The following MEGF11 variants were observed in gnomAD, a reference collection of about 807,000 sequenced individuals.
MEGF11 encodes multiple EGF like domains 11, also known as multiple epidermal growth factor-like domains protein 11.
Under a neutral mutation model 146.6 loss-of-function variants are expected in MEGF11, and 126 were observed. The ratio of observed to expected loss-of-function variants is 0.86; its 90% CI spans 0.74 to 1.00. MEGF11 has a LOEUF of 1.00. Ranked by LOEUF, MEGF11 falls within the 50% of genes least tolerant of loss-of-function variation. The pLI, the probability that MEGF11 is intolerant of heterozygous loss-of-function variation, is 0.00. For synonymous variants in MEGF11, 532 were observed against 583.4 expected (o/e 0.91, Z 1.27); for missense variants, 1,509 against 1,521.2 (o/e 0.99, Z 0.13).
At chr15:65,929,677 G>A in intron 12 of MEGF11, 43 bp downstream of exon 12, 1 of 1,534,852 alleles carries the variant, frequency 6.5e-7, no homozygotes, top group Non-Finnish European at 8.8e-7. Context: ...AGGGCGTGAG[G>A]GGATGCGGAG....
chr15:65,923,822 A>G, intron 13 of MEGF11, among the ~76,000 whole-genome samples: 1 of 152,198 alleles, frequency 6.6e-6, no homozygotes. Flanking sequence ...TAGGTTCCCT[A>G]CAGCCTGAAG....
chr15:66,080,785 G>A (rs1037451180), intron 5 of MEGF11, among the ~76,000 whole-genome samples: 3 of 152,174 alleles, frequency 2.0e-5, no homozygotes, highest in Non-Finnish European at 4.4e-5. Flanking sequence ...TTCTGTCCCC[G>A]TCACGGTGAC....
intron 1 of MEGF11, among the ~76,000 whole-genome samples, chr15:66,245,081 T>G (rs1170185021): frequency 6.6e-6 from 1 of 152,088 alleles, no homozygotes; most frequent in African/African-American, 2.4e-5. Context: ...TGGGCTCCAG[T>G]AGTGAGGGGA....
intron 1 of MEGF11, among the ~76,000 whole-genome samples, chr15:66,184,228 T>C (rs566140651): frequency 5.3e-4 from 81 of 152,252 alleles, no homozygotes; most frequent in African/African-American, 1.9e-3. Context: ...TATGCATCAA[T>C]TATACCTCCA....
chr15:66,177,677 TTTC>T (rs904143825), intron 1 of MEGF11, among the ~76,000 whole-genome samples: 3 of 151,460 alleles, frequency 2.0e-5, no homozygotes, highest in African/African-American at 7.3e-5. Flanking sequence ...CCATTGCCTT[TTTC>T]TTCTTTTTTT....
At chr15:66,168,849 G>A (rs1340780208) in intron 1 of MEGF11, among the ~76,000 whole-genome samples, 10 of 152,118 alleles carry the variant, frequency 6.6e-5, no homozygotes, top group Non-Finnish European at 8.8e-5. Context: ...TTAGCCGGGC[G>A]TGGTGGCGCA....
intron 5 of MEGF11, among the ~76,000 whole-genome samples, chr15:66,071,562 G>A (rs1339910533): frequency 6.6e-6 from 1 of 152,226 alleles, no homozygotes; most frequent in Non-Finnish European, 1.5e-5. Context: ...TGTGTGGCGT[G>A]TGCTCTCCCC....
chr15:66,253,296 C>A (rs1215767078), intron 1 of MEGF11, among the ~76,000 whole-genome samples: 2 of 152,180 alleles, frequency 1.3e-5, no homozygotes, highest in African/African-American at 4.8e-5. Flanking sequence ...TTCCCCCGCA[C>A]GTGGAGGCGC....
At chr15:66,087,705 T>A (rs1270177535) in intron 5 of MEGF11, among the ~76,000 whole-genome samples, 2 of 152,108 alleles carry the variant, frequency 1.3e-5, no homozygotes, top group African/African-American at 4.8e-5. Context: ...CTAAACGCCT[T>A]CATCAAAAAG....
intron 1 of MEGF11, among the ~76,000 whole-genome samples, chr15:66,187,572 T>G (rs1303953086): frequency 6.6e-6 from 1 of 151,994 alleles, no homozygotes; most frequent in Non-Finnish European, 1.5e-5. Context: ...CTGGGTGGAG[T>G]TGGTGGCATT....
chr15:65,900,185 C>T (rs1310945493), intron 24 of MEGF11, among the ~76,000 whole-genome samples: 5 of 152,298 alleles, frequency 3.3e-5, no homozygotes, highest in Middle Eastern at 3.4e-3. Flanking sequence ...ATCTAAAAGG[C>T]GTCTCAGCAC....
At chr15:66,093,203 C>T (rs1386321536) in intron 5 of MEGF11, among the ~76,000 whole-genome samples, 1 of 152,220 alleles carries the variant, frequency 6.6e-6, no homozygotes, top group African/African-American at 2.4e-5. Flanking sequence ...CTAAGATAAT[C>T]ACCCAGGCTC....
At chr15:65,991,098 T>C (rs532695737) in intron 5 of MEGF11, among the ~76,000 whole-genome samples, 1 of 152,368 alleles carries the variant, frequency 6.6e-6, no homozygotes, top group African/African-American at 2.4e-5. Flanking sequence ...TTACACTTGT[T>C]ACTCGGTGTT....
At position 65,916,224 on chromosome 15, in the gene MEGF11, C is replaced by T. The variant is rs780801469; in HGVS notation, c.2268G>A (p.Gln756=). The change falls in exon 18 of 26, where the codon CAG becomes CAA. Residue 756 remains glutamine, a synonymous_variant. Transcript: ENST00000395614. ...TGATGTGGTCACAGCTGGCGCCATT[C>T]TGACACTGGCATACGCGCCCACAGT... is the stretch of plus-strand genomic sequence containing the variant. ...GKDCGRVCQC[Q]NGASCDHISG... The T allele has an allele frequency of 5.7e-6, 9 of 1,568,180 alleles. No homozygotes were observed. The East Asian group carries it at 1.4e-4, about 25-fold the overall frequency.
At chr15:66,102,714 A>T (rs2086876919) in intron 4 of MEGF11, among the ~76,000 whole-genome samples, 1 of 152,182 alleles carries the variant, frequency 6.6e-6, no homozygotes, top group Non-Finnish European at 1.5e-5. Flanking sequence ...AAATGCTAGA[A>T]TTACAGGCAT....
At chr15:65,971,350 G>A (rs56032745) in intron 7 of MEGF11, 4,100 of 152,796 alleles carry the variant, frequency 0.027, 81 homozygotes, top group Middle Eastern at 0.065. Context: ...GAGACACTGG[G>A]ACCCTCCGAA....
Position 66,025,504 on chromosome 15 carries a change from C to A in MEGF11, c.395-43016G>T, listed in dbSNP as rs145088576. Among the ~76,000 whole-genome samples, 742 of 152,230 alleles carry A rather than the reference C, an allele frequency of 4.9e-3. 9 individuals carry two copies. The highest frequency in any genetic ancestry group is 0.017 in the African/African-American group (701 of 41,538). Reference sequence around the variant, plus strand: ...CTTTACCCTGAGGACAAGGGTAGCACGGTGGAGTCGGACTTTTGCTCAAGT... The same window carrying A: ...CTTTACCCTGAGGACAAGGGTAGCAAGGTGGAGTCGGACTTTTGCTCAAGT... On this transcript the variant is annotated intron_variant, in intron 5 of 25. Transcript: ENST00000395614.
At chr15:66,178,254 A>G (rs1410463324) in intron 1 of MEGF11, among the ~76,000 whole-genome samples, 3 of 152,106 alleles carry the variant, frequency 2.0e-5, no homozygotes, top group Non-Finnish European at 2.9e-5. Context: ...CCAAAGTGCT[A>G]TGATTACAAG....
chr15:65,970,199 G>T (rs1275787412), intron 8 of MEGF11, among the ~76,000 whole-genome samples: 4 of 149,538 alleles, frequency 2.7e-5, no homozygotes, highest in Admixed American at 6.7e-5. Context: ...AAGAAATCGT[G>T]CAAAACATAT....
Sources: gnomAD v4.1 joint callset for allele counts (sites outside exome capture counted in the v4.1 genomes callset) on GRCh38, gnomAD v4.1.1 for gene constraint, MANE v1.5 for transcripts, NCBI Gene and HGNC (gene_info 2026-07-23, HGNC 2026-07-21) for gene names.